The following HRH2 variants were observed in gnomAD, a reference collection of about 807,000 sequenced individuals.
HRH2 encodes the protein histamine H2 receptor.
Under a neutral mutation model 20.1 loss-of-function variants are expected in HRH2, and 4 were observed. That is an observed-to-expected ratio of 0.20 (90% CI 0.10 to 0.45). The LOEUF is 0.45. Among genes scored for constraint, HRH2 ranks in the 20% least tolerant of loss-of-function variants. The probability of loss-of-function intolerance (pLI) is 0.99; values close to 1 mark genes in which losing one functional copy is unlikely to be tolerated. For missense variants in HRH2, 250 were observed against 461.6 expected (o/e 0.54, Z 4.20); for synonymous variants, 197 against 200.7 (o/e 0.98, Z 0.16).
At position 175,681,034 on chromosome 5, in the gene HRH2, T is replaced by C. The variant is rs1755947785; in HGVS notation, c.-525-1675T>C. On this transcript the variant is annotated intron_variant, in intron 1 of 2. Coordinates refer to ENST00000636584, the MANE Select transcript of HRH2 (RefSeq NM_001367711.1). The surrounding 1 kb of genome is among the most constrained non-coding windows in gnomAD (Gnocchi z 4.3). ...GAAGACCCCTCATCCAAACATGAAC[T>C]CAAATGTCAGCCTGATGCCAAAATA... Among the ~76,000 whole-genome samples the C allele has an allele frequency of 6.6e-6, 1 of 152,084 alleles. No homozygotes were observed. The highest frequency in any genetic ancestry group is 1.5e-5 in the Non-Finnish European group (1 of 68,016).
Position 175,685,667 on chromosome 5 carries a change from T to G in HRH2, c.1076+1358T>G, listed in dbSNP as rs1425462977. 4 of 632,466 alleles carry G rather than the reference T, an allele frequency of 6.3e-6. No individual in the cohort carries two copies. The African/African-American group carries it at 7.3e-5, about 12-fold the overall frequency. The allele number at this position is 632,466 out of a possible 1,614,324, so 39.2% of individuals were successfully genotyped here. On this transcript the variant is annotated intron_variant, in intron 2 of 2. Coordinates refer to ENST00000636584, the MANE Select transcript of HRH2 (RefSeq NM_001367711.1). The stretch of plus-strand genomic sequence containing the variant: ...AGTTCCTCCCCATCTCAGGCCTCAG[T>G]TTCCTCATCGCATAGAGAGTTGGTC...
chr5:175,665,463 G>A (rs909873012), intron 1 of HRH2, among the ~76,000 whole-genome samples: 1 of 152,182 alleles, frequency 6.6e-6, no homozygotes, highest in Admixed American at 6.5e-5. Context: ...ATGGCAAGAT[G>A]GGAGGGGAAA....
At chr5:175,661,544 A>G (rs959395310) in intron 1 of HRH2, among the ~76,000 whole-genome samples, 4 of 152,116 alleles carry the variant, frequency 2.6e-5, no homozygotes, top group African/African-American at 9.7e-5. Flanking sequence ...ATCTAAATCC[A>G]CGGCCTACAC....
chr5:175,699,062 CGTG>C (rs1561740679), intron 2 of HRH2, among the ~76,000 whole-genome samples: 7 of 152,042 alleles, frequency 4.6e-5, no homozygotes, highest in African/African-American at 1.7e-4. Context: ...AGGAGAAGGC[CGTG>C]AGAAAAGAAT....
intron 1 of HRH2, among the ~76,000 whole-genome samples, chr5:175,673,696 GTTTT>G (rs557373402): frequency 7.1e-6 from 1 of 141,408 alleles, no homozygotes; most frequent in Non-Finnish European, 1.5e-5. Flanking sequence ...TTTCACCTCA[GTTTT>G]TTTTTTTTGT....
At chr5:175,692,275 C>T (rs1199111002) in intron 2 of HRH2, among the ~76,000 whole-genome samples, 1 of 152,198 alleles carries the variant, frequency 6.6e-6, no homozygotes, top group East Asian at 1.9e-4. Context: ...TTTATGAACA[C>T]AAAAATTTGA....
At chr5:175,691,609 G>T (rs369176507) in intron 2 of HRH2, among the ~76,000 whole-genome samples, 3 of 152,180 alleles carry the variant, frequency 2.0e-5, no homozygotes, top group Admixed American at 1.3e-4. Flanking sequence ...GCGGCTGGGC[G>T]TGGTGGCTCA....
In HRH2 at chr5:175,707,864, C is replaced by T. The variant is rs948021519; in HGVS notation, c.1162C>T (p.His388Tyr). 2.0e-5 allele frequency: 8 copies of T among 399,200 alleles called. No homozygotes were observed. The highest frequency in any genetic ancestry group is 3.5e-5 in the Non-Finnish European group (8 of 226,272). The allele number at this position is 399,200 out of a possible 1,614,324, so 24.7% of individuals were successfully genotyped here. Residue 388 changes from histidine (H) to tyrosine (Y), a missense_variant, in exon 3 of 3, where the codon CAC (histidine) becomes TAC (tyrosine). Transcript: ENST00000636584. ...GTGGGGGCTCAGGTTCCTTCAGAGA[C>T]ACATGGGAGGCCCCTCGGAGGAGCT... ...SLWGLRFLQRHMGGPSEELSG... is the reference protein window; with the variant it reads ...SLWGLRFLQRYMGGPSEELSG...
In HRH2 at chr5:175,684,125, G is replaced by A. The variant is rs749245496; in HGVS notation, c.892G>A (p.Gly298Arg). The change falls in exon 2 of 3, where the codon GGG becomes AGG. Residue 298 changes from glycine (G) to arginine (R), a missense_variant. Around this residue, in one of 5 missense-constraint regions of HRH2, gnomAD observed 58 missense variants for 166.8 expected, o/e 0.35. Transcript: ENST00000636584. ...TGCGCTGAACAGAGACTTCCGCACC[G>A]GGTACCAACAGCTCTTCTGCTGCAG... is the stretch of plus-strand genomic sequence containing the variant. ...YAALNRDFRT[G>R]YQQLFCCRLA... is the part of the protein sequence containing the mutation. The A allele has an allele frequency of 6.2e-7, 1 of 1,614,130 alleles. No homozygotes were observed. Among genetic ancestry groups the A allele is most frequent in the Non-Finnish European group, 8.5e-7 (1 of 1,180,028 alleles).
intron 2 of HRH2, among the ~76,000 whole-genome samples, chr5:175,688,764 G>A (rs955143446): frequency 2.6e-5 from 4 of 152,208 alleles, no homozygotes; most frequent in Non-Finnish European, 5.9e-5. Context: ...GGGAAAATGA[G>A]GCACAGGGAG....
In HRH2 at chr5:175,688,954, G is replaced by A. The variant is rs146994567; in HGVS notation, c.1076+4645G>A. On this transcript the variant is annotated intron_variant, in intron 2 of 2. Coordinates refer to ENST00000636584, the MANE Select transcript of HRH2 (RefSeq NM_001367711.1). The stretch of plus-strand genomic sequence containing the variant: ...ACCTGGGCTATCCCAGTCTCCGGGC[G>A]TGGCCCTTCCTCATGCCTGCACAGT... Among the ~76,000 whole-genome samples, 119 of 152,262 alleles carry A rather than the reference G, an allele frequency of 7.8e-4. 3 individuals are homozygous for A. In the South Asian group the frequency reaches 0.013, roughly 17 times the overall value.
In HRH2 at chr5:175,684,242, G is replaced by C; in HGVS notation, c.1009G>C (p.Glu337Gln). The C allele has an allele frequency of 1.9e-6, 3 of 1,614,232 alleles. No individual in the cohort carries two copies. Among genetic ancestry groups the C allele is most frequent in the Non-Finnish European group, 1.7e-6 (2 of 1,180,040 alleles). Reference protein sequence around the residue: ...TQSREPRQQEEKPLKLQVWSG... With the variant: ...TQSREPRQQEQKPLKLQVWSG... ...AAGCCGAGAACCCAGGCAACAGGAAGAGAAACCCCTGAAGCTCCAGGTGTG... is the reference window on the plus strand; with the variant it reads ...AAGCCGAGAACCCAGGCAACAGGAACAGAAACCCCTGAAGCTCCAGGTGTG... Residue 337 changes from glutamate (E) to glutamine (Q), a missense_variant, in exon 2 of 3, where the codon GAG becomes CAG. This residue lies in a region of HRH2 where 55 missense variants were observed against 66.9 expected (regional missense o/e 0.82). Transcript: ENST00000636584.
intron 2 of HRH2, among the ~76,000 whole-genome samples, chr5:175,695,611 T>C (rs997493773): frequency 2.0e-5 from 3 of 152,230 alleles, no homozygotes; most frequent in Admixed American, 6.5e-5. Flanking sequence ...AGCCTTGTGC[T>C]ACACTTCCCC....
chr5:175,666,427 A>G (rs894168944), intron 1 of HRH2, among the ~76,000 whole-genome samples: 5 of 151,980 alleles, frequency 3.3e-5, no homozygotes, highest in Non-Finnish European at 4.4e-5. Flanking sequence ...TCAGGCGCAG[A>G]TTCCTTTTTT....
At chr5:175,658,295 T>G (rs115637817) in intron 1 of HRH2, 140 bp downstream of exon 1, 21,321 of 151,260 alleles carry the variant, frequency 0.14, 2,021 homozygotes, top group Non-Finnish European at 0.2. Context: ...CGAACCCGGG[T>G]TCGAGCCTCG....
intron 2 of HRH2, among the ~76,000 whole-genome samples, chr5:175,698,388 C>T (rs181536861): frequency 3.5e-4 from 53 of 152,294 alleles, no homozygotes; most frequent in Non-Finnish European, 5.4e-4. Flanking sequence ...CAGATTTGAG[C>T]GTTGCTACTG....
intron 1 of HRH2, among the ~76,000 whole-genome samples, chr5:175,670,366 G>T (rs1755486008): frequency 6.6e-6 from 1 of 152,116 alleles, no homozygotes; most frequent in Non-Finnish European, 1.5e-5. Context: ...GATAAACATT[G>T]TTTGAACCCA....
In HRH2 at chr5:175,683,754, G is replaced by A. The variant is rs1756071761; in HGVS notation, c.521G>A (p.Cys174Tyr). Residue 174 changes from cysteine to tyrosine, a missense_variant, in exon 2 of 3, where the codon TGC becomes TAC. Transcript: ENST00000636584. ...AAGGGCAATCATACCACCTCTAAGT[G>A]CAAAGTCCAGGTCAATGAAGTGTAC... is the stretch of plus-strand genomic sequence containing the variant. ...TSKGNHTTSK[C>Y]KVQVNEVYGL... 1 of 1,614,168 alleles carries A rather than the reference G, an allele frequency of 6.2e-7. No individual in the cohort carries two copies. Among genetic ancestry groups the A allele is most frequent in the Non-Finnish European group, 8.5e-7 (1 of 1,180,046 alleles).
At position 175,708,336 on chromosome 5, in the gene HRH2, G is replaced by C. The variant is rs1225094758; in HGVS notation, c.*365G>C. The C allele has an allele frequency of 5.5e-6, 1 of 180,866 alleles. No homozygotes were observed. The highest frequency in any genetic ancestry group is 2.3e-5 in the African/African-American group (1 of 42,686). The allele number at this position is 180,866 out of a possible 1,614,324, so 11.2% of individuals were successfully genotyped here. On this transcript the variant is annotated 3_prime_UTR_variant, in exon 3 of 3. Transcript: ENST00000636584. Reference sequence around the variant, plus strand: ...GGGACGTGCATGACCTCTGAGCAAGGCAGAGGGTATTGAAGAAAGCATTGG... The same window carrying C: ...GGGACGTGCATGACCTCTGAGCAAGCCAGAGGGTATTGAAGAAAGCATTGG...
Sources: allele counts gnomAD v4.1 joint callset (sites outside exome capture counted in the v4.1 genomes callset), GRCh38; gene constraint gnomAD v4.1.1; regional missense constraint gnomAD v4.1.1; non-coding constraint Gnocchi (gnomAD v3.1); transcripts MANE v1.5; gene names NCBI Gene and HGNC (gene_info 2026-07-23, HGNC 2026-07-21).